Variants in ANKS1A observed in about 807,000 individuals in gnomAD.
The protein encoded by ANKS1A is ankyrin repeat and sterile alpha motif domain containing 1A.
Under a neutral mutation model 120.3 loss-of-function variants are expected in ANKS1A, and 55 were observed. That is an observed-to-expected ratio of 0.46 (90% CI 0.37 to 0.57). The LOEUF (loss-of-function observed/expected upper bound fraction) is 0.57. Among genes scored for constraint, ANKS1A ranks in the 20% least tolerant of loss-of-function variants. ANKS1A has a pLI of 0.00. For synonymous variants in ANKS1A, 590 were observed against 604.7 expected (o/e 0.98, Z 0.36); for missense variants, 1,123 against 1,480.3 (o/e 0.76, Z 3.96).
intron 3 of ANKS1A, among the ~76,000 whole-genome samples, chr6:34,973,502 G>T (rs1256726819): frequency 6.6e-6 from 1 of 152,140 alleles, no homozygotes; most frequent in Non-Finnish European, 1.5e-5. Context: ...TTTGGTCAAA[G>T]ATTTTATTCA....
intron 18 of ANKS1A, 111 bp from the exon 19 acceptor site, chr6:35,083,044 T>C: frequency 7.2e-7 from 1 of 1,387,732 alleles, no homozygotes; most frequent in Non-Finnish European, 1.0e-6. Flanking sequence ...AGAGGGGGTG[T>C]TGTTATTGAG....
Position 35,086,086 on chromosome 6 carries a change from A to G in ANKS1A, c.3303+150A>G, listed in dbSNP as rs778422911. ...CTCTTAATTGTCCCCCAACCCTGCCAGGTCTCGCCCCTGGAAAGGCAGCAG... is the reference window on the plus strand; with the variant it reads ...CTCTTAATTGTCCCCCAACCCTGCCGGGTCTCGCCCCTGGAAAGGCAGCAG... On this transcript the variant is annotated intron_variant, in intron 22 of 23. Transcript: ENST00000360359. The surrounding 1 kb of genome is among the most constrained non-coding windows in gnomAD (Gnocchi z 5.1). 5.7e-5 allele frequency: 73 copies of G among 1,289,908 alleles called. 1 individual carries two copies. Among genetic ancestry groups the G allele is most frequent in the Non-Finnish European group, 7.4e-5 (71 of 964,678 alleles). The allele number at this position is 1,289,908 out of a possible 1,614,324, so 79.9% of individuals were successfully genotyped here. A position where few individuals can be genotyped will look rare whatever the true frequency, so the allele number is the denominator to read the frequency against.
intron 1 of ANKS1A, among the ~76,000 whole-genome samples, chr6:34,935,776 T>C (rs972681750): frequency 1.3e-5 from 2 of 152,150 alleles, no homozygotes; most frequent in African/African-American, 2.4e-5. Flanking sequence ...TACTTTCTCC[T>C]GGTGGGCCGG....
In ANKS1A at chr6:35,045,813, G is replaced by A. The variant is rs527442653; in HGVS notation, c.2011-8286G>A. On this transcript the variant is annotated intron_variant, in intron 11 of 23. Coordinates refer to ENST00000360359, the MANE Select transcript of ANKS1A (RefSeq NM_015245.3). ...GGAGGGCAGTCAGCTAGTGCCTAGT[G>A]CAGTGAGGACCCCACTGAAAGAACC... Among the ~76,000 whole-genome samples the A allele has an allele frequency of 4.3e-4, 66 of 152,334 alleles. 4 individuals carry two copies. The highest frequency in any genetic ancestry group is 1.4e-3 in the African/African-American group (60 of 41,574).
chr6:35,062,243 G>A (rs532965460), intron 13 of ANKS1A, among the ~76,000 whole-genome samples: 105 of 152,334 alleles, frequency 6.9e-4, no homozygotes, highest in Middle Eastern at 6.8e-3. Context: ...ATACAAGAAG[G>A]AACGTCGAGC....
At chr6:34,893,231 A>T (rs1766910842) in intron 1 of ANKS1A, among the ~76,000 whole-genome samples, 1 of 152,184 alleles carries the variant, frequency 6.6e-6, no homozygotes, top group Admixed American at 6.5e-5. Context: ...AGTCTTAGTC[A>T]TCCTCAGTTC....
chr6:35,031,887 C>G lies in ANKS1A; in HGVS notation c.2010+13828C>G, dbSNP rs114985936. Among the ~76,000 whole-genome samples, 900 of 152,246 alleles carry G rather than the reference C, an allele frequency of 5.9e-3. 8 individuals are homozygous for G. The highest frequency in any genetic ancestry group is 0.01 in the Non-Finnish European group (713 of 68,006). ...TTTTCCAGCTCAGTTAATTCCTATACTCACTGTTTTCCCCTACACGTTGGT... is the reference window on the plus strand; with the variant it reads ...TTTTCCAGCTCAGTTAATTCCTATAGTCACTGTTTTCCCCTACACGTTGGT... On this transcript the variant is annotated intron_variant, in intron 11 of 23. Transcript: ENST00000360359.
intron 10 of ANKS1A, among the ~76,000 whole-genome samples, chr6:34,998,849 T>C (rs1037593592): frequency 6.6e-6 from 1 of 152,216 alleles, no homozygotes; most frequent in Non-Finnish European, 1.5e-5. Flanking sequence ...CTTGGTTCCC[T>C]GACCAGGAAG....
At chr6:35,024,251 G>A (rs181741105) in intron 11 of ANKS1A, among the ~76,000 whole-genome samples, 1 of 152,272 alleles carries the variant, frequency 6.6e-6, no homozygotes, top group East Asian at 1.9e-4. Flanking sequence ...CACACACACA[G>A]CACCAATTAA....
chr6:34,996,203 G>A (rs1454661708), intron 10 of ANKS1A, among the ~76,000 whole-genome samples: 1 of 152,074 alleles, frequency 6.6e-6, no homozygotes, highest in African/African-American at 2.4e-5. Flanking sequence ...ATGATGTTGA[G>A]CATTGATTAA....
At position 35,036,888 on chromosome 6, in the gene ANKS1A, A is replaced by T. The variant is rs75145630; in HGVS notation, c.2011-17211A>T. Among the ~76,000 whole-genome samples, 1,414 of 152,338 alleles carry T rather than the reference A, an allele frequency of 9.3e-3. 29 individuals are homozygous for T. The highest frequency in any genetic ancestry group is 0.033 in the African/African-American group (1,353 of 41,578). ...CCTCCCCCAGACCTTCTGAATTAGAAACTCTGGGGCTGGGCCCCGGTAATG... is the reference window on the plus strand; with the variant it reads ...CCTCCCCCAGACCTTCTGAATTAGATACTCTGGGGCTGGGCCCCGGTAATG... On this transcript the variant is annotated intron_variant, in intron 11 of 23. Coordinates refer to ENST00000360359, the MANE Select transcript of ANKS1A (RefSeq NM_015245.3).
chr6:34,912,143 T>G (rs574660930), intron 1 of ANKS1A, among the ~76,000 whole-genome samples: 1 of 152,364 alleles, frequency 6.6e-6, no homozygotes, highest in Admixed American at 6.5e-5. Context: ...TTGAATGATT[T>G]GCGTGATCAT....
intron 1 of ANKS1A, among the ~76,000 whole-genome samples, chr6:34,904,501 A>G (rs931163984): frequency 6.6e-6 from 1 of 152,260 alleles, no homozygotes; most frequent in Admixed American, 6.5e-5. Flanking sequence ...TGGGAGGCTG[A>G]GGTGGGCGGA....
intron 11 of ANKS1A, among the ~76,000 whole-genome samples, chr6:35,031,314 A>G (rs2127570014): frequency 6.6e-6 from 1 of 152,340 alleles, no homozygotes; most frequent in African/African-American, 2.4e-5. Context: ...TAACAGCGTA[A>G]TCGCCTGCTC....
At chr6:34,891,327 A>T (rs984282886) in intron 1 of ANKS1A, among the ~76,000 whole-genome samples, 10 of 152,200 alleles carry the variant, frequency 6.6e-5, no homozygotes, top group African/African-American at 2.4e-4. Flanking sequence ...ATAATAATGG[A>T]TGGGTATACT....
Position 34,999,713 on chromosome 6 carries a change from C to T in ANKS1A, c.1423+5291C>T, listed in dbSNP as rs1204720972. ...GCACAAGGTAACCTGTAAGCCAAGGCACCCAGACCAGTTTCCCTACATAGA... is the reference window on the plus strand; with the variant it reads ...GCACAAGGTAACCTGTAAGCCAAGGTACCCAGACCAGTTTCCCTACATAGA... On this transcript the variant is annotated intron_variant, in intron 10 of 23. Coordinates refer to ENST00000360359, the MANE Select transcript of ANKS1A (RefSeq NM_015245.3). 5.3e-5 allele frequency among the ~76,000 whole-genome samples: 8 copies of T among 152,110 alleles called. No individual in the cohort carries two copies. In the East Asian group the frequency reaches 1.5e-3, roughly 29 times the overall value.
chr6:35,027,747 C>T (rs573047898), intron 11 of ANKS1A, among the ~76,000 whole-genome samples: 2 of 152,260 alleles, frequency 1.3e-5, no homozygotes, highest in African/African-American at 2.4e-5. Context: ...AGATCATGGA[C>T]GACTACCCTC....
Position 34,994,427 on chromosome 6 carries a change from G to C in ANKS1A, c.1423+5G>C. The C allele has an allele frequency of 6.2e-7, 1 of 1,610,236 alleles. No homozygotes were observed. The highest frequency in any genetic ancestry group is 8.5e-7 in the Non-Finnish European group (1 of 1,177,450). On this transcript the variant is annotated splice_donor_5th_base_variant and intron_variant, in intron 10 of 23. Coordinates refer to ENST00000360359, the MANE Select transcript of ANKS1A (RefSeq NM_015245.3). ...TGGTGGATGGAAAAACAAAAGGTAC[G>C]TTCCCCACAACTCCTGGCAGAACCA...
chr6:34,951,310 C>T (rs1770082745), intron 1 of ANKS1A, among the ~76,000 whole-genome samples: 1 of 151,188 alleles, frequency 6.6e-6, no homozygotes, highest in Non-Finnish European at 1.5e-5. Flanking sequence ...TTTTAAATTC[C>T]AGTTTATAAC....
Sources: gnomAD v4.1 joint callset for allele counts (sites outside exome capture counted in the v4.1 genomes callset) on GRCh38, gnomAD v4.1.1 for gene constraint, Gnocchi (gnomAD v3.1) non-coding constraint, MANE v1.5 for transcripts, NCBI Gene and HGNC (gene_info 2026-07-23, HGNC 2026-07-21) for gene names.